The following PARL variants were observed in gnomAD, a reference collection of about 807,000 sequenced individuals.
PARL encodes the protein presenilin-associated rhomboid-like protein, mitochondrial.
PARL carries 44 observed loss-of-function variants against 51.6 expected under a neutral mutation model. The observed-to-expected ratio is 0.85, with a 90% confidence interval of 0.67 to 1.10. PARL has a LOEUF of 1.10. Among genes scored for constraint, PARL ranks in the 50% least tolerant of loss-of-function variants. The pLI, the probability that PARL is intolerant of heterozygous loss-of-function variation, is 0.00. For missense variants in PARL, 441 were observed against 469.5 expected, an observed-to-expected ratio of 0.94 and a Z score of 0.56; for synonymous variants, 172 against 164.0, an observed-to-expected ratio of 1.05 and a Z score of -0.37.
At chr3:183,837,227 C>T (rs770145715) in intron 7 of PARL, among the ~76,000 whole-genome samples, 6 of 152,160 alleles carry the variant, frequency 3.9e-5, no homozygotes, top group East Asian at 3.9e-4. Context: ...GAGAGGAAAG[C>T]GGACCAGCTA....
chr3:183,883,074 G>C (rs1008217610), intron 1 of PARL, among the ~76,000 whole-genome samples: 13 of 152,116 alleles, frequency 8.5e-5, no homozygotes, highest in Non-Finnish European at 1.9e-4. Flanking sequence ...TATACAAATG[G>C]CAAGCTTTTC....
intron 4 of PARL, among the ~76,000 whole-genome samples, chr3:183,858,802 C>T (rs746384057): frequency 1.3e-5 from 2 of 151,990 alleles, no homozygotes; most frequent in Non-Finnish European, 2.9e-5. Flanking sequence ...AAGAATGCCA[C>T]GTTATACTCC....
At chr3:183,858,704 G>C (rs1390403339) in intron 4 of PARL, among the ~76,000 whole-genome samples, 2 of 152,104 alleles carry the variant, frequency 1.3e-5, no homozygotes, top group Admixed American at 1.3e-4. Context: ...GGACCTCTAG[G>C]AGAGGCTTAA....
chr3:183,882,416 T>G lies in PARL; in HGVS notation c.125+2306A>C, dbSNP rs202080267. ...ATGCACATATACACACACATATATA[T>G]AGAGAGAGAGAGAGAGAGAAAGAGA... On this transcript the variant is annotated intron_variant, in intron 1 of 9. Coordinates refer to ENST00000317096, the MANE Select transcript of PARL (RefSeq NM_018622.7). Among the ~76,000 whole-genome samples the G allele has an allele frequency of 5.9e-3, 611 of 104,436 alleles. 3 individuals are homozygous for G. Among genetic ancestry groups the G allele is most frequent in the African/African-American group, 0.013 (382 of 29,116 alleles). The allele number at this position is 104,436 out of a possible 152,430, so 68.5% of individuals were successfully genotyped here.
intron 3 of PARL, among the ~76,000 whole-genome samples, chr3:183,863,295 A>G (rs1732055362): frequency 1.3e-5 from 2 of 152,118 alleles, no homozygotes. Context: ...TCAGGGATAC[A>G]TGTTGAAAAT....
At chr3:183,867,031 A>G (rs533204822) in intron 2 of PARL, among the ~76,000 whole-genome samples, 7 of 152,080 alleles carry the variant, frequency 4.6e-5, no homozygotes, top group African/African-American at 1.4e-4. Flanking sequence ...CTCCTGTCTC[A>G]GCCTCTGGAG....
At chr3:183,859,826 C>T (rs1731599112) in intron 4 of PARL, among the ~76,000 whole-genome samples, 1 of 152,176 alleles carries the variant, frequency 6.6e-6, no homozygotes, top group Non-Finnish European at 1.5e-5. Flanking sequence ...ACTGTCTGAA[C>T]TTACCGTATC....
At chr3:183,845,094 A>ATAATT (rs66946575) in intron 4 of PARL, among the ~76,000 whole-genome samples, 41,791 of 152,032 alleles carry the variant, frequency 0.27, 5,854 homozygotes, top group East Asian at 0.53. Context: ...TTGAATTAAA[A>ATAATT]TAAACATTTG....
Position 183,829,620 on chromosome 3 carries a change from T to C in PARL, c.1118A>G (p.Lys373Arg), listed in dbSNP as rs752311820. 1 of 1,614,192 alleles carries C rather than the reference T, an allele frequency of 6.2e-7. No individual in the cohort carries two copies. The highest frequency in any genetic ancestry group is 8.5e-7 in the Non-Finnish European group (1 of 1,180,036). ...GTTTTACTTAGAGCCACCTCCTTTT[T>C]TGGGGCCATTAGTCCTTATTTCATG... ...IWHEIRTNGPKKGGGSK is the reference protein window; with the variant it reads ...IWHEIRTNGPRKGGGSK Residue 373 changes from lysine to arginine, a missense_variant, in exon 10 of 10, where the codon AAA becomes AGA. Transcript: ENST00000317096.
chr3:183,847,591 A>G (rs567235810), intron 4 of PARL, among the ~76,000 whole-genome samples: 22 of 151,426 alleles, frequency 1.5e-4, no homozygotes, highest in African/African-American at 3.7e-4. Context: ...AAATAAAAAG[A>G]AAAAAAAGGG....
At chr3:183,846,243 C>A (rs1729935064) in intron 4 of PARL, among the ~76,000 whole-genome samples, 1 of 152,066 alleles carries the variant, frequency 6.6e-6, no homozygotes, top group Non-Finnish European at 1.5e-5. Flanking sequence ...GTAATCCCAG[C>A]AGTACTTTGG....
intron 7 of PARL, among the ~76,000 whole-genome samples, chr3:183,840,055 G>T (rs1028774378): frequency 6.6e-6 from 1 of 152,150 alleles, no homozygotes; most frequent in African/African-American, 2.4e-5. Flanking sequence ...TAAGCATCCA[G>T]AATATAAGAG....
At position 183,842,451 on chromosome 3, in the gene PARL, C is replaced by T. The variant is rs1729435073; in HGVS notation, c.608-4G>A. 1 of 1,611,460 alleles carries T rather than the reference C, an allele frequency of 6.2e-7. No homozygotes were observed. The highest frequency in any genetic ancestry group is 1.3e-5 in the African/African-American group (1 of 74,990). On this transcript the variant is annotated splice_polypyrimidine_tract_variant and splice_region_variant and intron_variant, in intron 5 of 9. Coordinates refer to ENST00000317096, the MANE Select transcript of PARL (RefSeq NM_018622.7). The stretch of plus-strand genomic sequence containing the variant: ...AACATTGGAGAACAAAGGACCTCTA[C>T]AAGAGAGAGAAACATAGTCTGGTAA...
At chr3:183,867,496 C>T (rs908668530) in intron 2 of PARL, among the ~76,000 whole-genome samples, 8 of 151,890 alleles carry the variant, frequency 5.3e-5, no homozygotes, top group African/African-American at 1.5e-4. Flanking sequence ...GTCAGGAGAT[C>T]GAGACCATCC....
intron 4 of PARL, among the ~76,000 whole-genome samples, chr3:183,852,458 G>C (rs1477222004): frequency 6.6e-6 from 1 of 152,152 alleles, no homozygotes; most frequent in Non-Finnish European, 1.5e-5. Context: ...AACTCACAGA[G>C]ACAGAAAGTA....
chr3:183,858,461 T>C (rs1444063313), intron 4 of PARL, among the ~76,000 whole-genome samples: 2 of 152,310 alleles, frequency 1.3e-5, no homozygotes, highest in East Asian at 1.9e-4. Context: ...AATACACTAG[T>C]AGAGGAACTA....
intron 4 of PARL, among the ~76,000 whole-genome samples, chr3:183,855,459 C>G (rs1295008755): frequency 1.3e-5 from 2 of 152,080 alleles, no homozygotes; most frequent in Non-Finnish European, 2.9e-5. Context: ...CATTTTAAAT[C>G]AGTGGTCTCC....
At chr3:183,832,038 C>T (rs1560366646) in intron 9 of PARL, among the ~76,000 whole-genome samples, 2 of 152,000 alleles carry the variant, frequency 1.3e-5, no homozygotes, top group Admixed American at 6.6e-5. Context: ...AAACAGAACC[C>T]CTTCATGTTT....
chr3:183,851,558 G>A (rs1338117216), intron 4 of PARL, among the ~76,000 whole-genome samples: 2 of 152,074 alleles, frequency 1.3e-5, no homozygotes, highest in Non-Finnish European at 2.9e-5. Context: ...ATGTTCATTA[G>A]TCATTAAGGA....
Sources: gnomAD v4.1 joint callset for allele counts (sites outside exome capture counted in the v4.1 genomes callset) on GRCh38, gnomAD v4.1.1 for gene constraint, MANE v1.5 for transcripts, NCBI Gene and HGNC (gene_info 2026-07-23, HGNC 2026-07-21) for gene names.